The following PDE1C variants were observed in gnomAD, a reference collection of about 807,000 sequenced individuals.
PDE1C encodes phosphodiesterase 1C, also known as dual specificity calcium/calmodulin-dependent 3',5'-cyclic nucleotide phosphodiesterase 1C.
PDE1C carries 62 observed loss-of-function variants against 93.1 expected under a neutral mutation model. That is an observed-to-expected ratio of 0.67 (90% CI 0.54 to 0.82). The LOEUF (loss-of-function observed/expected upper bound fraction) is 0.82. Among genes scored for constraint, PDE1C ranks in the 40% least tolerant of loss-of-function variants. The probability of loss-of-function intolerance (pLI) is 0.00; values close to 1 mark genes in which losing one functional copy is unlikely to be tolerated. For missense variants in PDE1C, 742 were observed against 884.6 expected (o/e 0.84, Z 2.04); for synonymous variants, 325 against 310.1 (o/e 1.05, Z -0.50).
At chr7:32,400,079 A>C (rs1383885640) in intron 1 of PDE1C, among the ~76,000 whole-genome samples, 2 of 152,302 alleles carry the variant, frequency 1.3e-5, no homozygotes, top group East Asian at 3.9e-4. Flanking sequence ...GTAGAGCTCT[A>C]AACCTGGAAA....
chr7:31,876,845 G>A (rs1204114645), intron 5 of PDE1C, among the ~76,000 whole-genome samples: 1 of 152,112 alleles, frequency 6.6e-6, no homozygotes, highest in Non-Finnish European at 1.5e-5. Flanking sequence ...GACGGAAAGG[G>A]TAGAGACAAA....
At chr7:31,791,188 C>T (rs559627333) in intron 16 of PDE1C, among the ~76,000 whole-genome samples, 34 of 152,214 alleles carry the variant, frequency 2.2e-4, no homozygotes, top group Admixed American at 1.7e-3. Flanking sequence ...AGGAGAACTC[C>T]TTCTGATCTA....
chr7:31,901,638 T>C (rs1244847032), intron 2 of PDE1C, among the ~76,000 whole-genome samples: 1 of 151,134 alleles, frequency 6.6e-6, no homozygotes, highest in Non-Finnish European at 1.5e-5. Flanking sequence ...GGCTAAACTT[T>C]TAAACATAGC....
intron 2 of PDE1C, among the ~76,000 whole-genome samples, chr7:32,176,977 G>A (rs1803040218): frequency 6.6e-6 from 1 of 152,148 alleles, no homozygotes. Flanking sequence ...CTGAAGAGAT[G>A]TTTGCTGAAT....
rs1227254715 is a variant in PDE1C at position 32,350,577 on chromosome 7, TATATATATATA to T, written c.310+77234_310+77244del. ...ATATATATATATATATATATATATA[TATATATATATA>T]TATTTTTTTTTTTTTTTTTATTATA... On this transcript the variant is annotated intron_variant, in intron 1 of 1. Transcript: ENST00000672256. 8.3e-3 allele frequency among the ~76,000 whole-genome samples: 6 copies of T among 724 alleles called. 1 individual carries two copies. Among genetic ancestry groups the T allele is most frequent in the African/African-American group, 9.9e-3 (6 of 606 alleles). The allele number at this position is 724 out of a possible 152,430, so 0.5% of individuals were successfully genotyped here. A position where few individuals can be genotyped will look rare whatever the true frequency, so the allele number is the denominator to read the frequency against.
chr7:31,695,484 A>C, the PDE1C span: 2 of 1,605,950 alleles, frequency 1.2e-6, no homozygotes, highest in Non-Finnish European at 1.7e-6. Flanking sequence ...CTTTCAGACC[A>C]GTTCATTAAG....
At chr7:31,767,423 G>A (rs1795214401) in intron 17 of PDE1C, among the ~76,000 whole-genome samples, 1 of 152,028 alleles carries the variant, frequency 6.6e-6, no homozygotes, top group African/African-American at 2.4e-5. Context: ...AAAGTGTGCG[G>A]CACCTCCTCC....
chr7:32,086,039 A>C (rs1364132241), intron 3 of PDE1C, among the ~76,000 whole-genome samples: 1 of 151,638 alleles, frequency 6.6e-6, no homozygotes, highest in African/African-American at 2.4e-5. Flanking sequence ...AAGGGTATTC[A>C]ATTAGGAAAA....
intron 2 of PDE1C, among the ~76,000 whole-genome samples, chr7:31,904,655 GA>G (rs917235988): frequency 2.4e-4 from 34 of 142,774 alleles, no homozygotes; most frequent in African/African-American, 7.2e-4. Context: ...TTTCTCTAAA[GA>G]AAAAAAAAAC....
At chr7:31,725,985 C>T in the PDE1C span, among the ~76,000 whole-genome samples, 64,486 of 152,048 alleles carry the variant, frequency 0.42, 15,231 homozygotes, top group East Asian at 0.69. Context: ...ATTATGCTTA[C>T]TTCTACTTCA....
At chr7:31,707,177 A>G in the PDE1C span, 3 of 1,602,474 alleles carry the variant, frequency 1.9e-6, no homozygotes, top group South Asian at 2.2e-5. Flanking sequence ...GAGGTACTTA[A>G]TTGCAGGTCT....
At chr7:31,954,999 T>G (rs190764154) in intron 2 of PDE1C, among the ~76,000 whole-genome samples, 67 of 152,360 alleles carry the variant, frequency 4.4e-4, no homozygotes, top group Admixed American at 9.1e-4. Flanking sequence ...GATGTTTCAC[T>G]CTCTAGTCTC....
At chr7:32,051,428 G>T in intron 2 of PDE1C, 126 bp downstream of exon 2, 1 of 879,330 alleles carries the variant, frequency 1.1e-6, no homozygotes. Flanking sequence ...CGGAGATAAA[G>T]CACGCAACAT....
chr7:31,867,880 C>T (rs1413924399), intron 6 of PDE1C, among the ~76,000 whole-genome samples: 1 of 152,220 alleles, frequency 6.6e-6, no homozygotes, highest in Non-Finnish European at 1.5e-5. Flanking sequence ...AACTTCACCA[C>T]AGCCTCCACT....
intron 3 of PDE1C, among the ~76,000 whole-genome samples, chr7:32,083,505 A>G (rs1454654437): frequency 3.3e-5 from 5 of 152,274 alleles, no homozygotes; most frequent in Middle Eastern, 3.4e-3. Context: ...AGAGAATGCC[A>G]CAAAGATACT....
chr7:32,203,991 T>C (rs532457950), intron 2 of PDE1C, among the ~76,000 whole-genome samples: 2 of 152,344 alleles, frequency 1.3e-5, no homozygotes, highest in East Asian at 3.9e-4. Flanking sequence ...GGCTTCTCTG[T>C]GGTGTATCCA....
intron 1 of PDE1C, among the ~76,000 whole-genome samples, chr7:32,276,348 G>A (rs11767695): frequency 0.075 from 11,483 of 152,142 alleles, 584 homozygotes; most frequent in Non-Finnish European, 0.1. Flanking sequence ...GATATTAATT[G>A]GTATGTAATC....
chr7:32,161,495 C>T (rs1801915747), intron 3 of PDE1C, among the ~76,000 whole-genome samples: 1 of 152,208 alleles, frequency 6.6e-6, no homozygotes, highest in Non-Finnish European at 1.5e-5. Context: ...ATTGCTCATG[C>T]AACTGGAGAC....
intron 2 of PDE1C, among the ~76,000 whole-genome samples, chr7:32,000,745 G>A (rs144367506): frequency 3.3e-4 from 50 of 152,226 alleles, no homozygotes; most frequent in Middle Eastern, 3.4e-3. Context: ...ATTCTCTGCC[G>A]GGGATGTCTG....
Sources: gnomAD v4.1 joint callset for allele counts (sites outside exome capture counted in the v4.1 genomes callset) on GRCh38, gnomAD v4.1.1 for gene constraint, MANE v1.5 for transcripts, NCBI Gene and HGNC (gene_info 2026-07-23, HGNC 2026-07-21) for gene names.